Variants in APPBP2 observed in about 807,000 individuals in gnomAD.
The protein encoded by APPBP2 is amyloid protein-binding protein 2.
APPBP2 carries 15 observed loss-of-function variants against 76.0 expected under a neutral mutation model. The observed-to-expected ratio is 0.20, with a 90% CI of 0.13 to 0.30. The LOEUF (loss-of-function observed/expected upper bound fraction) is 0.30. Ranked by LOEUF, APPBP2 falls within the 10% of genes least tolerant of loss-of-function variation. The pLI, the probability that APPBP2 is intolerant of heterozygous loss-of-function variation, is 1.00. For synonymous variants in APPBP2, 222 were observed against 242.2 expected (o/e 0.92, Z 0.77); for missense variants, 401 against 687.2 (o/e 0.58, Z 4.66).
intron 1 of APPBP2, among the ~76,000 whole-genome samples, chr17:60,521,498 T>C (rs115624476): frequency 0.015 from 2,288 of 152,326 alleles, 54 homozygotes; most frequent in African/African-American, 0.051. Flanking sequence ...TCTTTTATAC[T>C]GTACCTTTTC....
intron 4 of APPBP2, among the ~76,000 whole-genome samples, chr17:60,478,895 G>C (rs1158093546): frequency 1.3e-5 from 2 of 151,880 alleles, no homozygotes; most frequent in Non-Finnish European, 2.9e-5. Flanking sequence ...GGGTGAAAGA[G>C]CGAGACTCTG....
intron 4 of APPBP2, among the ~76,000 whole-genome samples, chr17:60,478,474 CA>C (rs1274128622): frequency 2.0e-5 from 3 of 152,130 alleles, no homozygotes; most frequent in Admixed American, 1.3e-4. Context: ...GTAAACAAAG[CA>C]GGGGGTACAA....
chr17:60,464,922 G>T (rs1253941023), intron 5 of APPBP2: 1 of 152,208 alleles, frequency 6.6e-6, no homozygotes, highest in African/African-American at 2.4e-5. Flanking sequence ...GTGGTGATGT[G>T]CACCTGTAGT....
chr17:60,523,655 C>G (rs995059894), intron 1 of APPBP2, among the ~76,000 whole-genome samples: 23 of 152,004 alleles, frequency 1.5e-4, no homozygotes, highest in African/African-American at 5.3e-4. Context: ...ACAGCGAGAC[C>G]CCATCTCTAT....
At chr17:60,493,296 C>T (rs754199525) in intron 3 of APPBP2, among the ~76,000 whole-genome samples, 1 of 152,084 alleles carries the variant, frequency 6.6e-6, no homozygotes, top group Admixed American at 6.6e-5. Context: ...CTGGGTGACA[C>T]AGTGAAACCC....
At chr17:60,480,615 C>A (rs1488653055) in intron 3 of APPBP2, among the ~76,000 whole-genome samples, 2 of 152,084 alleles carry the variant, frequency 1.3e-5, no homozygotes, top group Non-Finnish European at 2.9e-5. Flanking sequence ...AGCTTCCTCA[C>A]CAAGTTGAGC....
At chr17:60,470,190 T>C (rs1032744747) in intron 4 of APPBP2, among the ~76,000 whole-genome samples, 2 of 152,194 alleles carry the variant, frequency 1.3e-5, no homozygotes, top group Non-Finnish European at 2.9e-5. Flanking sequence ...CATGTGCTTA[T>C]CTTTTCATGT....
At chr17:60,521,983 G>A (rs2091013346) in intron 1 of APPBP2, among the ~76,000 whole-genome samples, 1 of 152,078 alleles carries the variant, frequency 6.6e-6, no homozygotes, top group Non-Finnish European at 1.5e-5. Context: ...AAGAACAATA[G>A]GCTATCCCAC....
intron 4 of APPBP2, among the ~76,000 whole-genome samples, chr17:60,474,867 C>A (rs1320171697): frequency 6.6e-6 from 1 of 152,078 alleles, no homozygotes; most frequent in Non-Finnish European, 1.5e-5. Context: ...TTTATACTGT[C>A]TTCCCCTACC....
chr17:60,485,135 G>C (rs192680793), intron 3 of APPBP2, among the ~76,000 whole-genome samples: 2 of 152,188 alleles, frequency 1.3e-5, no homozygotes, highest in African/African-American at 4.8e-5. Context: ...TTTTCGCATC[G>C]ATGTTCATCA....
rs1463808956 is a variant in APPBP2 at position 60,466,378 on chromosome 17, T to C, written c.585A>G (p.Lys195=). ...TTGCTTGCTGGCCATGTTTTGATAG[T>C]TTATCCATATATGTCTGAGCTAATT... ...TFKLAQTYMD[K]LSKHGQQANK... is the part of the protein sequence containing the mutation. Residue 195 remains lysine, a synonymous_variant, in exon 5 of 13, where the codon AAA becomes AAG. Transcript: ENST00000083182. 6.2e-7 allele frequency: 1 copy of C among 1,613,902 alleles called. No homozygotes were observed. Among genetic ancestry groups the C allele is most frequent in the African/African-American group, 1.3e-5 (1 of 74,936 alleles).
intron 1 of APPBP2, among the ~76,000 whole-genome samples, chr17:60,505,063 T>C (rs1167439789): frequency 1.3e-5 from 2 of 152,220 alleles, no homozygotes; most frequent in Non-Finnish European, 2.9e-5. Context: ...TATATCTACA[T>C]TATATATGCA....
intron 1 of APPBP2, among the ~76,000 whole-genome samples, chr17:60,522,612 G>T (rs990372694): frequency 5.9e-5 from 9 of 152,062 alleles, no homozygotes; most frequent in African/African-American, 2.2e-4. Flanking sequence ...TGAGCCCTGC[G>T]CCTTTACATC....
chr17:60,443,369 A>G lies in APPBP2; in HGVS notation c.*4212T>C, dbSNP rs894218151. On this transcript the variant is annotated 3_prime_UTR_variant, in exon 13 of 13. Coordinates refer to ENST00000083182, the MANE Select transcript of APPBP2 (RefSeq NM_006380.5). ...CTATTTAATGACCTTAGATATTTCTATAGAAATTATTGTGGCACTATTAGT... is the reference window on the plus strand; with the variant it reads ...CTATTTAATGACCTTAGATATTTCTGTAGAAATTATTGTGGCACTATTAGT... 2.0e-5 allele frequency: 3 copies of G among 152,662 alleles called. No homozygotes were observed. Among genetic ancestry groups the G allele is most frequent in the Admixed American group, 6.5e-5 (1 of 15,274 alleles). The allele number at this position is 152,662 out of a possible 1,614,324, so 9.5% of individuals were successfully genotyped here. A position where few individuals can be genotyped will look rare whatever the true frequency, so the allele number is the denominator to read the frequency against.
chr17:60,454,504 G>A lies in APPBP2; in HGVS notation c.1148-12C>T. 6.4e-7 allele frequency: 1 copy of A among 1,563,194 alleles called. No homozygotes were observed. The highest frequency in any genetic ancestry group is 1.2e-5 in the South Asian group (1 of 82,492). On this transcript the variant is annotated splice_polypyrimidine_tract_variant and intron_variant, in intron 10 of 12. Transcript: ENST00000083182. ...CTCTAAAATAAGTGCTAAAAAAGAAGGCAATAAATTAGTGTACTTCAAAAC... is the reference window on the plus strand; with the variant it reads ...CTCTAAAATAAGTGCTAAAAAAGAAAGCAATAAATTAGTGTACTTCAAAAC...
intron 11 of APPBP2, among the ~76,000 whole-genome samples, chr17:60,453,627 C>A (rs886067441): frequency 6.7e-6 from 1 of 148,854 alleles, no homozygotes; most frequent in African/African-American, 2.5e-5. Flanking sequence ...GCAGCCTCAA[C>A]CTTTTGGGCT....
intron 1 of APPBP2, among the ~76,000 whole-genome samples, chr17:60,503,166 C>A (rs1208454784): frequency 1.4e-5 from 2 of 144,834 alleles, no homozygotes; most frequent in Non-Finnish European, 2.9e-5. Flanking sequence ...GCGCGGGATA[C>A]CACGCCCAGG....
At position 60,456,290 on chromosome 17, in the gene APPBP2, G is replaced by C. The variant is rs1181546955; in HGVS notation, c.1147+6C>G. 2 of 1,570,280 alleles carry C rather than the reference G, an allele frequency of 1.3e-6. No individual in the cohort carries two copies. The highest frequency in any genetic ancestry group is 1.4e-5 in the African/African-American group (1 of 73,890). On this transcript the variant is annotated splice_donor_region_variant and intron_variant, in intron 10 of 12. Coordinates refer to ENST00000083182, the MANE Select transcript of APPBP2 (RefSeq NM_006380.5). Reference sequence around the variant, plus strand: ...AAAATATCTGAGACTAGATTACAAAGGATACCTTTCACCCTCTTTGAAGAA... The same window carrying C: ...AAAATATCTGAGACTAGATTACAAACGATACCTTTCACCCTCTTTGAAGAA...
At chr17:60,485,326 T>C (rs1223540033) in intron 3 of APPBP2, among the ~76,000 whole-genome samples, 2 of 152,204 alleles carry the variant, frequency 1.3e-5, no homozygotes, top group African/African-American at 4.8e-5. Flanking sequence ...TGAATCAGTC[T>C]GGTCCTAGAC....
Sources: gnomAD v4.1 joint callset for allele counts (sites outside exome capture counted in the v4.1 genomes callset) on GRCh38, gnomAD v4.1.1 for gene constraint, MANE v1.5 for transcripts, NCBI Gene and HGNC (gene_info 2026-07-23, HGNC 2026-07-21) for gene names.